The following CACNB4 variants were observed in gnomAD, a reference collection of about 807,000 sequenced individuals.
The protein encoded by CACNB4 is voltage-dependent L-type calcium channel subunit beta-4.
CACNB4 carries 32 observed loss-of-function variants against 71.2 expected under a neutral mutation model. The ratio of observed to expected loss-of-function variants is 0.45; its 90% CI spans 0.34 to 0.60. The LOEUF (loss-of-function observed/expected upper bound fraction) is 0.60, where lower values mean the gene tolerates loss of function less well. CACNB4 is among the 20% of genes least tolerant of loss of function. The pLI is 0.01. For synonymous variants in CACNB4, 231 were observed against 236.9 expected, an observed-to-expected ratio of 0.97 and a Z score of 0.23; for missense variants, 464 against 647.9, an observed-to-expected ratio of 0.72 and a Z score of 3.08.
intron 2 of CACNB4, among the ~76,000 whole-genome samples, chr2:151,885,836 G>A (rs1450560613): frequency 2.0e-5 from 3 of 152,036 alleles, no homozygotes; most frequent in East Asian, 1.9e-4. Flanking sequence ...TTTCATAGAC[G>A]TATTCATTGC....
At chr2:152,019,992 CA>C (rs1683566523) in intron 2 of CACNB4, among the ~76,000 whole-genome samples, 1 of 152,164 alleles carries the variant, frequency 6.6e-6, no homozygotes, top group South Asian at 2.1e-4. Flanking sequence ...GGCCCAGAAG[CA>C]GATGAAGCTC....
chr2:152,047,462 C>A (rs566446114), intron 2 of CACNB4, among the ~76,000 whole-genome samples: 1 of 152,202 alleles, frequency 6.6e-6, no homozygotes, highest in Non-Finnish European at 1.5e-5. Context: ...TCTTTGAATC[C>A]ACATACGACC....
At chr2:151,982,306 A>ATG (rs1181743081) in intron 2 of CACNB4, among the ~76,000 whole-genome samples, 1 of 152,146 alleles carries the variant, frequency 6.6e-6, no homozygotes, top group Non-Finnish European at 1.5e-5. Flanking sequence ...AGTGAAAGTC[A>ATG]TGTGTCCAAC....
intron 2 of CACNB4, among the ~76,000 whole-genome samples, chr2:151,995,175 T>TC (rs1478960694): frequency 1.5e-4 from 12 of 78,778 alleles, no homozygotes; most frequent in South Asian, 5.6e-4. Flanking sequence ...AACTGCCCCC[T>TC]CCCCCCGCCC....
chr2:151,893,494 A>G (rs956544628), intron 2 of CACNB4, among the ~76,000 whole-genome samples: 7 of 152,156 alleles, frequency 4.6e-5, no homozygotes, highest in South Asian at 2.1e-4. Flanking sequence ...TATCCACCTC[A>G]GCCTCCCAAA....
At chr2:151,907,724 C>T (rs1365065286) in intron 2 of CACNB4, among the ~76,000 whole-genome samples, 2 of 152,126 alleles carry the variant, frequency 1.3e-5, no homozygotes. Context: ...AACATCTTGG[C>T]CATTCTTCCT....
chr2:151,979,972 C>T (rs925968426), intron 2 of CACNB4, among the ~76,000 whole-genome samples: 13 of 152,270 alleles, frequency 8.5e-5, no homozygotes, highest in South Asian at 2.1e-4. Context: ...CTCAGCCTTG[C>T]GCAAACCACC....
At chr2:151,980,108 T>A (rs796831382) in intron 2 of CACNB4, among the ~76,000 whole-genome samples, 9 of 152,336 alleles carry the variant, frequency 5.9e-5, no homozygotes, top group African/African-American at 2.2e-4. Context: ...AGGTAACAAT[T>A]TATGTTTTTG....
At chr2:152,041,671 C>G (rs1684880903) in intron 2 of CACNB4, among the ~76,000 whole-genome samples, 1 of 152,078 alleles carries the variant, frequency 6.6e-6, no homozygotes, top group Non-Finnish European at 1.5e-5. Flanking sequence ...ATTATATTGT[C>G]GGAGACATCT....
At chr2:151,861,842 C>CAAAAAAAAAAAAAAAAAA (rs35080979) in intron 9 of CACNB4, 2 of 61,894 alleles carry the variant, frequency 3.2e-5, no homozygotes, top group East Asian at 5.0e-4. Flanking sequence ...GACCCTGTCT[C>CAAAAAAAAAAAAAAAAAA]AAAAAAAAAA....
chr2:152,088,146 CACACACACACACACACACACACAT>C (rs1687762947), intron 2 of CACNB4, among the ~76,000 whole-genome samples: 1 of 149,686 alleles, frequency 6.7e-6, no homozygotes, highest in South Asian at 2.2e-4. Context: ...ACTTAACACA[CACACACACACACACACACACACAT>C]ACACACACAC....
At chr2:152,066,123 G>A (rs929278277) in intron 2 of CACNB4, among the ~76,000 whole-genome samples, 1 of 152,158 alleles carries the variant, frequency 6.6e-6, no homozygotes, top group Non-Finnish European at 1.5e-5. Flanking sequence ...TCCAGCCTCT[G>A]CTGACGTGGC....
intron 2 of CACNB4, among the ~76,000 whole-genome samples, chr2:152,047,019 T>C (rs1252279011): frequency 6.6e-6 from 1 of 152,022 alleles, no homozygotes; most frequent in Non-Finnish European, 1.5e-5. Context: ...AGCCTGAAAA[T>C]AAAGAAAAAT....
intron 2 of CACNB4, among the ~76,000 whole-genome samples, chr2:152,026,912 C>CTTTTTTT (rs60945553): frequency 6.8e-6 from 1 of 146,898 alleles, no homozygotes; most frequent in African/African-American, 2.5e-5. Context: ...AATTATCTTT[C>CTTTTTTT]TTTTTTTTTT....
At chr2:152,082,350 G>A (rs1687402817) in intron 2 of CACNB4, among the ~76,000 whole-genome samples, 1 of 152,166 alleles carries the variant, frequency 6.6e-6, no homozygotes, top group Non-Finnish European at 1.5e-5. Flanking sequence ...TATGTTGTAT[G>A]AGTTCATCTC....
chr2:152,024,734 A>G (rs1683870037), intron 2 of CACNB4, among the ~76,000 whole-genome samples: 1 of 152,230 alleles, frequency 6.6e-6, no homozygotes, highest in Middle Eastern at 3.2e-3. Context: ...TGTTTGCAAC[A>G]ATATGGTGGG....
At chr2:152,092,686 CTTTA>C (rs1412339659) in intron 2 of CACNB4, among the ~76,000 whole-genome samples, 1 of 151,752 alleles carries the variant, frequency 6.6e-6, no homozygotes, top group African/African-American at 2.4e-5. Context: ...CGCAGGGTGG[CTTTA>C]TTTTTTTCTT....
intron 2 of CACNB4, among the ~76,000 whole-genome samples, chr2:151,997,601 C>T (rs1160311055): frequency 6.6e-6 from 1 of 151,978 alleles, no homozygotes; most frequent in Non-Finnish European, 1.5e-5. Flanking sequence ...AAGATGAATG[C>T]TGAGATTGGA....
At chr2:152,083,426 G>A (rs972792935) in intron 2 of CACNB4, among the ~76,000 whole-genome samples, 1 of 152,104 alleles carries the variant, frequency 6.6e-6, no homozygotes, top group Non-Finnish European at 1.5e-5. Context: ...TTTTTATTCT[G>A]CTGGAACTAT....
Sources: allele counts gnomAD v4.1 joint callset (sites outside exome capture counted in the v4.1 genomes callset), GRCh38; gene constraint gnomAD v4.1.1; transcripts MANE v1.5; gene names NCBI Gene and HGNC (gene_info 2026-07-23, HGNC 2026-07-21).